Variants in SLC14A2 observed in about 807,000 individuals in gnomAD.
SLC14A2 encodes solute carrier family 14 member 2.
SLC14A2 carries 91 observed loss-of-function variants against 104.6 expected under a neutral mutation model. That is an observed-to-expected ratio of 0.87 (90% CI 0.73 to 1.04). The LOEUF is 1.04. Ranked by LOEUF, SLC14A2 falls within the 50% of genes least tolerant of loss-of-function variation. The pLI is 0.00. For synonymous variants in SLC14A2, 476 were observed against 466.4 expected, an observed-to-expected ratio of 1.02 and a Z score of -0.27; for missense variants, 1,189 against 1,156.0, an observed-to-expected ratio of 1.03 and a Z score of -0.41.
chr18:45,226,190 G>A (rs1179218667), intron 1 of SLC14A2, among the ~76,000 whole-genome samples: 2 of 152,184 alleles, frequency 1.3e-5, no homozygotes, highest in African/African-American at 4.8e-5. Flanking sequence ...AGAGGATGTG[G>A]AGAAATAGGA....
intron 2 of SLC14A2, among the ~76,000 whole-genome samples, chr18:45,600,830 T>C (rs1257380147): frequency 6.6e-6 from 1 of 152,188 alleles, no homozygotes; most frequent in Non-Finnish European, 1.5e-5. Context: ...ATTGAAAATA[T>C]TTGAATTATT....
intron 1 of SLC14A2, among the ~76,000 whole-genome samples, chr18:45,331,086 A>C (rs2085285024): frequency 1.3e-5 from 2 of 152,252 alleles, no homozygotes; most frequent in Non-Finnish European, 2.9e-5. Flanking sequence ...ACTTTTGGAT[A>C]AAATAATTGG....
At chr18:45,207,074 A>G in the SLC14A2 span, among the ~76,000 whole-genome samples, 32 of 152,270 alleles carry the variant, frequency 2.1e-4, no homozygotes, top group African/African-American at 7.5e-4. Flanking sequence ...CTAATAGTAA[A>G]CAACATGCAT....
intron 2 of SLC14A2, among the ~76,000 whole-genome samples, chr18:45,598,853 C>G (rs2044749241): frequency 6.6e-6 from 1 of 152,316 alleles, no homozygotes; most frequent in South Asian, 2.1e-4. Context: ...AATAATTCCT[C>G]AATATTCTAA....
Position 45,508,292 on chromosome 18 carries a change from A to G in SLC14A2, c.-35+24970A>G, listed in dbSNP as rs1228990866. On this transcript the variant is annotated intron_variant, in intron 2 of 20. Coordinates refer to the SLC14A2 transcript ENST00000586448. The stretch of plus-strand genomic sequence containing the variant: ...ACGGTTTGATTGTATCCCCATCCAA[A>G]TCTCATCTTGAATTCCCATGTGTTG... Among the ~76,000 whole-genome samples the G allele has an allele frequency of 3.9e-5, 6 of 152,240 alleles. No individual in the cohort carries two copies. The East Asian group carries it at 1.2e-3, about 29-fold the overall frequency.
intron 2 of SLC14A2, among the ~76,000 whole-genome samples, chr18:45,607,264 G>A (rs112820666): frequency 1.1e-4 from 17 of 152,176 alleles, no homozygotes; most frequent in African/African-American, 3.9e-4. Flanking sequence ...AGATATTTAT[G>A]CCCCATAAGA....
At chr18:45,630,121 A>G (rs574541551) in intron 4 of SLC14A2, among the ~76,000 whole-genome samples, 2 of 152,260 alleles carry the variant, frequency 1.3e-5, no homozygotes, top group African/African-American at 4.8e-5. Flanking sequence ...CTTTCTCTGG[A>G]TATATTCTAA....
At chr18:45,501,778 G>A (rs977607789) in intron 2 of SLC14A2, among the ~76,000 whole-genome samples, 1 of 152,142 alleles carries the variant, frequency 6.6e-6, no homozygotes, top group South Asian at 2.1e-4. Context: ...CAGAGTCTTG[G>A]GCAGAGCTAC....
At chr18:45,499,854 G>A (rs952824015) in intron 2 of SLC14A2, among the ~76,000 whole-genome samples, 1 of 152,138 alleles carries the variant, frequency 6.6e-6, no homozygotes, top group Non-Finnish European at 1.5e-5. Context: ...AATGAATGTG[G>A]AGGGACTTTG....
chr18:45,295,185 T>C (rs1471079951), intron 1 of SLC14A2, among the ~76,000 whole-genome samples: 15 of 152,312 alleles, frequency 9.8e-5, no homozygotes, highest in Non-Finnish European at 1.5e-5. Context: ...CCATTCTGTT[T>C]TGGACAACTG....
intron 1 of SLC14A2, among the ~76,000 whole-genome samples, chr18:45,337,291 T>C (rs2085346964): frequency 6.6e-6 from 1 of 152,142 alleles, no homozygotes; most frequent in Admixed American, 6.5e-5. Context: ...GATTATTTAG[T>C]TATGGTTTGT....
intron 1 of SLC14A2, among the ~76,000 whole-genome samples, chr18:45,386,102 G>T (rs1443080791): frequency 1.3e-5 from 2 of 152,164 alleles, no homozygotes; most frequent in Non-Finnish European, 2.9e-5. Flanking sequence ...ATTCAAATCA[G>T]CAGAGAGAAG....
chr18:45,453,318 G>A (rs999351173), intron 1 of SLC14A2, among the ~76,000 whole-genome samples: 1 of 152,158 alleles, frequency 6.6e-6, no homozygotes, highest in African/African-American at 2.4e-5. Flanking sequence ...CTGAGAGCAG[G>A]AACTAGGGCA....
At chr18:45,399,939 C>T (rs1040295850) in intron 1 of SLC14A2, among the ~76,000 whole-genome samples, 28 of 152,090 alleles carry the variant, frequency 1.8e-4, no homozygotes, top group African/African-American at 6.3e-4. Flanking sequence ...GTCCTTCAGA[C>T]GTGAGGCAAT....
chr18:45,172,213 C>T, the SLC14A2 span, among the ~76,000 whole-genome samples: 5,249 of 152,248 alleles, frequency 0.034, 307 homozygotes, highest in African/African-American at 0.12. Context: ...CACTTCCTTT[C>T]CTAGGCCAAC....
intron 1 of SLC14A2, among the ~76,000 whole-genome samples, chr18:45,311,923 G>A (rs2085083278): frequency 6.6e-6 from 1 of 152,196 alleles, no homozygotes; most frequent in African/African-American, 2.4e-5. Context: ...TGGGAGAACA[G>A]AAATGAAATA....
At chr18:45,348,952 T>G (rs1031386732) in intron 1 of SLC14A2, among the ~76,000 whole-genome samples, 1 of 152,208 alleles carries the variant, frequency 6.6e-6, no homozygotes, top group African/African-American at 2.4e-5. Context: ...ACCAGAATGC[T>G]CATGTCAGAG....
intron 1 of SLC14A2, among the ~76,000 whole-genome samples, chr18:45,453,833 C>CT (rs2086894942): frequency 1.5e-5 from 2 of 133,946 alleles, no homozygotes. Flanking sequence ...GTTCCGCTTT[C>CT]TTTTTTCTTT....
intron 2 of SLC14A2, among the ~76,000 whole-genome samples, chr18:45,502,753 G>A (rs1473686937): frequency 2.6e-5 from 4 of 152,052 alleles, no homozygotes; most frequent in Non-Finnish European, 1.5e-5. Flanking sequence ...TTGTAGATAG[G>A]AGAACTGAAA....
Sources: allele counts gnomAD v4.1 joint callset (sites outside exome capture counted in the v4.1 genomes callset), GRCh38; gene constraint gnomAD v4.1.1; transcripts MANE v1.5; gene names NCBI Gene and HGNC (gene_info 2026-07-23, HGNC 2026-07-21).